The following MCUB variants were observed in gnomAD, a reference collection of about 807,000 sequenced individuals.
MCUB encodes the protein calcium uniporter regulatory subunit MCUb, mitochondrial.
In MCUB, 46 loss-of-function variants were observed where a neutral mutation model predicts 41.4. The observed-to-expected ratio is 1.11, with a 90% CI of 0.88 to 1.42. The LOEUF (loss-of-function observed/expected upper bound fraction) is 1.42. Ranked by LOEUF, MCUB falls within the 40% of genes most tolerant of loss-of-function variation. The probability of loss-of-function intolerance (pLI) is 0.00; values close to 1 mark genes in which losing one functional copy is unlikely to be tolerated. For missense variants in MCUB, 403 were observed against 404.9 expected, an observed-to-expected ratio of 1.00 and a Z score of 0.04; for synonymous variants, 148 against 148.2, an observed-to-expected ratio of 1.00 and a Z score of 0.01.
chr4:109,615,903 C>T (rs1728116178), intron 1 of MCUB, among the ~76,000 whole-genome samples: 1 of 152,182 alleles, frequency 6.6e-6, no homozygotes, highest in African/African-American at 2.4e-5. Flanking sequence ...TTGAGCAACA[C>T]CTGTCAGTTA....
intron 1 of MCUB, among the ~76,000 whole-genome samples, chr4:109,596,011 C>T (rs1386139518): frequency 1.5e-5 from 2 of 133,896 alleles, no homozygotes; most frequent in Non-Finnish European, 3.1e-5. Flanking sequence ...ACCAGTAAGG[C>T]CAGCCTCTTA....
At chr4:109,599,693 C>A (rs1727683584) in intron 1 of MCUB, among the ~76,000 whole-genome samples, 1 of 150,786 alleles carries the variant, frequency 6.6e-6, no homozygotes, top group African/African-American at 2.4e-5. Flanking sequence ...TTTTTTAAGA[C>A]AGAATCTCGC....
At chr4:109,570,414 A>C (rs1279436781) in intron 1 of MCUB, among the ~76,000 whole-genome samples, 1 of 152,228 alleles carries the variant, frequency 6.6e-6, no homozygotes, top group Non-Finnish European at 1.5e-5. Flanking sequence ...TTTATGAGAA[A>C]TTATGTTGGT....
At chr4:109,602,131 G>A (rs544160597) in intron 1 of MCUB, among the ~76,000 whole-genome samples, 1 of 152,222 alleles carries the variant, frequency 6.6e-6, no homozygotes. Flanking sequence ...CTTGTCAGAT[G>A]GGTAGTTTAC....
At chr4:109,662,107 G>A (rs914823353) in intron 3 of MCUB, among the ~76,000 whole-genome samples, 2 of 152,216 alleles carry the variant, frequency 1.3e-5, no homozygotes, top group African/African-American at 4.8e-5. Flanking sequence ...GTGGGGAAGG[G>A]CAGATCAGGA....
At chr4:109,648,372 T>TAA (rs1369888918) in intron 1 of MCUB, 1 of 241,094 alleles carries the variant, frequency 4.1e-6, no homozygotes, top group Non-Finnish European at 8.3e-6. Context: ...GGTGAGAAAT[T>TAA]ACAGTAGGTG....
In MCUB at chr4:109,659,594, G is replaced by GA. The variant is rs200470126; in HGVS notation, c.175+517dup. Among the ~76,000 whole-genome samples, 472 of 149,394 alleles carry GA rather than the reference G, an allele frequency of 3.2e-3. 2 individuals carry two copies. Among genetic ancestry groups the GA allele is most frequent in the African/African-American group, 0.01 (412 of 40,794 alleles). ...AGTGAGACCCTGTCTCAAAAAGAAA[G>GA]AAAAAAAAACAAATAGTTTCTGTCC... is the stretch of plus-strand genomic sequence containing the variant. On this transcript the variant is annotated intron_variant, in intron 2 of 7. Coordinates refer to ENST00000394650, the MANE Select transcript of MCUB (RefSeq NM_017918.5).
intron 1 of MCUB, among the ~76,000 whole-genome samples, chr4:109,597,585 G>A (rs1579057171): frequency 3.5e-5 from 5 of 144,200 alleles, no homozygotes; most frequent in African/African-American, 5.1e-5. Flanking sequence ...AGGGGCGGCC[G>A]GGCAGAGGCG....
intron 1 of MCUB, among the ~76,000 whole-genome samples, chr4:109,570,592 T>C (rs1461889187): frequency 2.6e-5 from 4 of 152,248 alleles, no homozygotes; most frequent in Non-Finnish European, 5.9e-5. Context: ...CAATAAACTT[T>C]ATTTTCAGAA....
chr4:109,587,421 A>G (rs1727335148), intron 1 of MCUB, among the ~76,000 whole-genome samples: 1 of 149,840 alleles, frequency 6.7e-6, no homozygotes, highest in Non-Finnish European at 1.5e-5. Flanking sequence ...TTCCCGGGTG[A>G]GGCGATGCCC....
Position 109,684,495 on chromosome 4 carries a change from G to T in MCUB, c.665G>T (p.Trp222Leu). 6.2e-7 allele frequency: 1 copy of T among 1,614,006 alleles called. No individual in the cohort carries two copies. The change falls in exon 6 of 8, where the codon TGG becomes TTG. Residue 222 changes from tryptophan (W) to leucine (L), a missense_variant. Coordinates refer to ENST00000394650, the MANE Select transcript of MCUB (RefSeq NM_017918.5). ...HSEAKTSGLL[W>L]AGLALLSIQG... ...GAAGCCAAAACCAGTGGACTCCTGT[G>T]GGCTGGATTGGCACTGCTGTCCATT...
At chr4:109,576,508 T>C (rs939276228) in intron 1 of MCUB, among the ~76,000 whole-genome samples, 1 of 136,000 alleles carries the variant, frequency 7.4e-6, no homozygotes, top group African/African-American at 2.6e-5. Flanking sequence ...TAGAAAAAGA[T>C]AACATTTGCC....
At chr4:109,646,663 T>G (rs1386886317) in intron 1 of MCUB, among the ~76,000 whole-genome samples, 1 of 152,188 alleles carries the variant, frequency 6.6e-6, no homozygotes, top group Non-Finnish European at 1.5e-5. Context: ...ACAGCGCTCC[T>G]CATACCAGTC....
chr4:109,635,317 C>T (rs1728566527), intron 1 of MCUB, among the ~76,000 whole-genome samples: 1 of 152,124 alleles, frequency 6.6e-6, no homozygotes, highest in Non-Finnish European at 1.5e-5. Flanking sequence ...GGTATATACC[C>T]AGCACTTAGA....
intron 1 of MCUB, among the ~76,000 whole-genome samples, chr4:109,612,999 G>T (rs11931359): frequency 6.6e-6 from 1 of 151,968 alleles, no homozygotes; most frequent in Non-Finnish European, 1.5e-5. Flanking sequence ...CCAGCTACTC[G>T]CGAGGCTGAA....
rs1028998209 is a variant in MCUB at position 109,606,356 on chromosome 4, A to G, written c.99+45920A>G. Among the ~76,000 whole-genome samples the G allele has an allele frequency of 5.9e-5, 9 of 152,126 alleles. No homozygotes were observed. The South Asian group carries it at 1.5e-3, about 25-fold the overall frequency. ...GTTTAGTTCATTTACATTCAATGTTATTATTGATAAGTAAGGACCTACTCC... is the reference window on the plus strand; with the variant it reads ...GTTTAGTTCATTTACATTCAATGTTGTTATTGATAAGTAAGGACCTACTCC... On this transcript the variant is annotated intron_variant, in intron 1 of 7. Coordinates refer to ENST00000394650, the MANE Select transcript of MCUB (RefSeq NM_017918.5).
chr4:109,645,786 C>T (rs1194138327), intron 1 of MCUB, among the ~76,000 whole-genome samples: 1 of 152,178 alleles, frequency 6.6e-6, no homozygotes, highest in Non-Finnish European at 1.5e-5. Flanking sequence ...TACCTACCAT[C>T]TCTTCCTTCC....
chr4:109,601,593 A>G (rs1238729733), intron 1 of MCUB, among the ~76,000 whole-genome samples: 1 of 152,102 alleles, frequency 6.6e-6, no homozygotes, highest in African/African-American at 2.4e-5. Context: ...ATGGCTGAAT[A>G]GTGTTCTGCT....
intron 1 of MCUB, among the ~76,000 whole-genome samples, chr4:109,624,625 C>G (rs1041532271): frequency 2.0e-5 from 3 of 152,022 alleles, no homozygotes; most frequent in African/African-American, 7.3e-5. Flanking sequence ...GATAATCAAA[C>G]TGGAGGAAGA....
Sources: gnomAD v4.1 joint callset for allele counts (sites outside exome capture counted in the v4.1 genomes callset) on GRCh38, gnomAD v4.1.1 for gene constraint, MANE v1.5 for transcripts, NCBI Gene and HGNC (gene_info 2026-07-23, HGNC 2026-07-21) for gene names.